The following SHB variants were observed in gnomAD, a reference collection of about 807,000 sequenced individuals.
SHB encodes the protein SH2 domain containing adaptor protein B.
A neutral mutation model predicts 52.3 loss-of-function variants in SHB; 20 were observed. The observed-to-expected ratio is 0.38, with a 90% CI of 0.27 to 0.56. SHB has a LOEUF of 0.56. Among genes scored for constraint, SHB ranks in the 20% least tolerant of loss-of-function variants. The probability of loss-of-function intolerance (pLI) is 0.71; values close to 1 mark genes in which losing one functional copy is unlikely to be tolerated. For missense variants in SHB, 825 were observed against 723.3 expected, an observed-to-expected ratio of 1.14 and a Z score of -1.61; for synonymous variants, 397 against 316.5, an observed-to-expected ratio of 1.25 and a Z score of -2.70.
intron 3 of SHB, among the ~76,000 whole-genome samples, chr9:37,960,925 G>A (rs1420965147): frequency 6.6e-6 from 1 of 152,212 alleles, no homozygotes; most frequent in East Asian, 1.9e-4. Context: ...GCAAGGTCAG[G>A]CTCACCCCAC....
chr9:37,943,335 G>T (rs979281895), intron 5 of SHB, among the ~76,000 whole-genome samples: 1 of 152,148 alleles, frequency 6.6e-6, no homozygotes, highest in African/African-American at 2.4e-5. Context: ...AGTTATAGGT[G>T]TAAGTGTCTT....
intron 1 of SHB, among the ~76,000 whole-genome samples, chr9:38,040,555 G>A (rs1821562232): frequency 6.6e-6 from 1 of 152,218 alleles, no homozygotes; most frequent in African/African-American, 2.4e-5. Context: ...ACCACCAACA[G>A]CAAGCGAGTG....
At chr9:38,058,964 C>T (rs1025495109) in intron 1 of SHB, among the ~76,000 whole-genome samples, 2 of 152,206 alleles carry the variant, frequency 1.3e-5, no homozygotes, top group African/African-American at 4.8e-5. Context: ...CCTCCACAGT[C>T]CCCACCCCTG....
chr9:38,041,042 A>G (rs1461159357), intron 1 of SHB, among the ~76,000 whole-genome samples: 1 of 151,988 alleles, frequency 6.6e-6, no homozygotes, highest in East Asian at 1.9e-4. Context: ...AGGTCTGAGG[A>G]CATTTGTCCT....
intron 1 of SHB, among the ~76,000 whole-genome samples, chr9:38,016,857 GC>G (rs1308907355): frequency 6.6e-6 from 1 of 152,190 alleles, no homozygotes. Context: ...CCAGGGCCCT[GC>G]CTGAGCTCCC....
chr9:37,928,145 G>A (rs1036656875), intron 5 of SHB, among the ~76,000 whole-genome samples: 1 of 152,222 alleles, frequency 6.6e-6, no homozygotes, highest in Admixed American at 6.5e-5. Flanking sequence ...GGAAAAGCTG[G>A]AGGGGATCCC....
chr9:37,949,413 AAAAG>A (rs1333263015), intron 4 of SHB, among the ~76,000 whole-genome samples: 1 of 151,636 alleles, frequency 6.6e-6, no homozygotes, highest in Non-Finnish European at 1.5e-5. Context: ...AAAAAAAAGA[AAAAG>A]AAAAAAGAAA....
chr9:38,001,697 G>A (rs1821016144), intron 2 of SHB, among the ~76,000 whole-genome samples: 1 of 152,228 alleles, frequency 6.6e-6, no homozygotes, highest in Non-Finnish European at 1.5e-5. Flanking sequence ...AGAGTGGGAG[G>A]AGACTGGCTG....
intron 5 of SHB, among the ~76,000 whole-genome samples, chr9:37,928,044 G>A (rs1404149383): frequency 3.9e-5 from 6 of 151,934 alleles, no homozygotes; most frequent in African/African-American, 7.2e-5. Context: ...AGCCCTGGGC[G>A]CTTCCCCAAA....
intron 3 of SHB, among the ~76,000 whole-genome samples, chr9:37,958,325 C>T (rs943581862): frequency 2.0e-5 from 3 of 152,140 alleles, no homozygotes; most frequent in Non-Finnish European, 4.4e-5. Flanking sequence ...TACGGGTGAC[C>T]ACAGGCTGAA....
chr9:38,067,807 C>A, intron 1 of SHB, 122 bp downstream of exon 1: 2 of 1,121,948 alleles, frequency 1.8e-6, no homozygotes, highest in Non-Finnish European at 2.4e-6. Flanking sequence ...GCACGCCAGC[C>A]CCGACCCAGG....
chr9:38,010,301 T>C (rs1401875629), intron 2 of SHB, among the ~76,000 whole-genome samples: 1 of 152,210 alleles, frequency 6.6e-6, no homozygotes, highest in Admixed American at 6.5e-5. Context: ...AGCTAATGAC[T>C]GTCATCCATG....
intron 2 of SHB, among the ~76,000 whole-genome samples, chr9:38,001,591 T>C (rs990332821): frequency 6.6e-6 from 1 of 152,062 alleles, no homozygotes; most frequent in African/African-American, 2.4e-5. Flanking sequence ...TCCAGGCGGG[T>C]TGGGTTCGAT....
chr9:37,961,333 A>T (rs1043856445), intron 3 of SHB, among the ~76,000 whole-genome samples: 1 of 152,164 alleles, frequency 6.6e-6, no homozygotes, highest in Non-Finnish European at 1.5e-5. Context: ...TGCTTGGATG[A>T]GATAAATGTG....
chr9:38,035,098 A>G (rs7026460), intron 1 of SHB, among the ~76,000 whole-genome samples: 20,940 of 151,950 alleles, frequency 0.14, 3,197 homozygotes, highest in African/African-American at 0.37. Context: ...AGGGGTATCT[A>G]CTAGAGAAGA....
Position 37,919,914 on chromosome 9 carries a change from C to T in SHB, c.1437G>A (p.Pro479=), listed in dbSNP as rs748418981. The T allele has an allele frequency of 2.5e-5, 41 of 1,613,906 alleles. 1 individual carries two copies. Among genetic ancestry groups the T allele is most frequent in the South Asian group, 2.5e-4 (23 of 91,084 alleles). ...TGGTGGTGTAGTAGTGGATGACTTC[C>T]GGGACACTGTCGAACGGAGGGCTGT... The part of the protein sequence containing the change: ...GQNSPPFDSV[P]EVIHYYTTRK... The change falls in exon 6 of 6, where the codon CCG becomes CCA. Residue 479 remains proline (P), a synonymous_variant. Coordinates refer to ENST00000377707, the MANE Select transcript of SHB (RefSeq NM_003028.3).
intron 5 of SHB, among the ~76,000 whole-genome samples, chr9:37,943,213 A>G (rs1205943642): frequency 6.6e-6 from 1 of 152,084 alleles, no homozygotes; most frequent in African/African-American, 2.4e-5. Context: ...TGGGTTTAAG[A>G]CCTGCTCATC....
intron 1 of SHB, among the ~76,000 whole-genome samples, chr9:38,021,273 G>C (rs945798180): frequency 2.4e-4 from 36 of 152,030 alleles, no homozygotes; most frequent in African/African-American, 7.2e-4. Flanking sequence ...CCGGGAGGTG[G>C]AGGTTGTGGT....
At chr9:37,920,795 C>T (rs1008533028) in intron 5 of SHB, among the ~76,000 whole-genome samples, 2 of 152,224 alleles carry the variant, frequency 1.3e-5, no homozygotes, top group Non-Finnish European at 2.9e-5. Flanking sequence ...GCCACCATCC[C>T]GGCTCCTCTG....
Sources: gnomAD v4.1 joint callset for allele counts (sites outside exome capture counted in the v4.1 genomes callset) on GRCh38, gnomAD v4.1.1 for gene constraint, MANE v1.5 for transcripts, NCBI Gene and HGNC (gene_info 2026-07-23, HGNC 2026-07-21) for gene names.